CERKL: variants seen among roughly 807,000 people sequenced by gnomAD.
The protein encoded by CERKL is ceramide kinase-like protein.
A neutral mutation model predicts 63.4 loss-of-function variants in CERKL; 61 were observed. That is an observed-to-expected ratio of 0.96 (90% CI 0.78 to 1.19). CERKL has a LOEUF of 1.19. Among genes scored for constraint, CERKL ranks in the 50% most tolerant of loss-of-function variants. The pLI is 0.00. For synonymous variants in CERKL, 250 were observed against 230.5 expected (o/e 1.08, Z -0.77); for missense variants, 675 against 655.5 (o/e 1.03, Z -0.33).
At chr2:181,646,453 C>T (rs1359734615) in intron 1 of CERKL, among the ~76,000 whole-genome samples, 1 of 152,158 alleles carries the variant, frequency 6.6e-6, no homozygotes, top group African/African-American at 2.4e-5. Flanking sequence ...AGTTCCATAA[C>T]CATGATAGGG....
At chr2:181,582,821 G>A (rs1057126883) in intron 2 of CERKL, among the ~76,000 whole-genome samples, 2 of 152,060 alleles carry the variant, frequency 1.3e-5, no homozygotes, top group Non-Finnish European at 2.9e-5. Flanking sequence ...TGAGATTACA[G>A]GCATGAGCCA....
chr2:181,632,381 T>C (rs1009735804), intron 1 of CERKL, among the ~76,000 whole-genome samples: 9 of 152,200 alleles, frequency 5.9e-5, no homozygotes, highest in Non-Finnish European at 1.0e-4. Context: ...CAAAGCCTTG[T>C]CCTTTAAGGG....
intron 1 of CERKL, among the ~76,000 whole-genome samples, chr2:181,641,922 C>T (rs1437726876): frequency 1.3e-5 from 2 of 152,178 alleles, no homozygotes; most frequent in African/African-American, 4.8e-5. Context: ...AAAATTCACT[C>T]TACATTTGTT....
chr2:181,577,045 T>C (rs1015837603), intron 2 of CERKL, among the ~76,000 whole-genome samples: 6 of 152,170 alleles, frequency 3.9e-5, no homozygotes, highest in Non-Finnish European at 8.8e-5. Flanking sequence ...CCCCAGAATT[T>C]TGGGCTTAGT....
intron 4 of CERKL, among the ~76,000 whole-genome samples, chr2:181,562,222 A>C (rs1324040806): frequency 6.6e-6 from 1 of 152,138 alleles, no homozygotes. Flanking sequence ...AAAATCATTG[A>C]ATTCATCTGT....
Position 181,537,391 on chromosome 2 carries a change from T to TTGCCCAGTTCAAAATAGTATTTGTTATCA in CERKL, c.*764_*792dup, listed in dbSNP as rs1290776328. ...ACACAATTACATATTGGGCTAGATT[T>TTGCCCAGTTCAAAATAGTATTTGTTATCA]TGCCCAGTTCAAAATAGTATTTGTT... On this transcript the variant is annotated 3_prime_UTR_variant, in exon 13 of 13. Transcript: ENST00000410087. 2 of 452,452 alleles carry TTGCCCAGTTCAAAATAGTATTTGTTATCA rather than the reference T, an allele frequency of 4.4e-6. No homozygotes were observed. The highest frequency in any genetic ancestry group is 4.4e-6 in the Non-Finnish European group (1 of 225,740). 28.0% of individuals were successfully genotyped at this position (452,452 alleles called of 1,614,324 possible).
chr2:181,641,844 T>C (rs1240768849), intron 1 of CERKL, among the ~76,000 whole-genome samples: 2 of 152,174 alleles, frequency 1.3e-5, no homozygotes, highest in Non-Finnish European at 2.9e-5. Flanking sequence ...GTGGTAACTG[T>C]ATTGAACACT....
At chr2:181,596,842 A>G (rs898738310) in intron 2 of CERKL, among the ~76,000 whole-genome samples, 1 of 152,208 alleles carries the variant, frequency 6.6e-6, no homozygotes, top group African/African-American at 2.4e-5. Context: ...GAACCCACTG[A>G]GACTTATTTT....
intron 1 of CERKL, among the ~76,000 whole-genome samples, chr2:181,608,292 T>C (rs189856858): frequency 1.6e-4 from 24 of 152,162 alleles, no homozygotes; most frequent in Admixed American, 3.9e-4. Flanking sequence ...CCTTATTATA[T>C]AGGTTGCAAA....
chr2:181,631,016 G>C (rs987362448), intron 1 of CERKL, among the ~76,000 whole-genome samples: 1 of 152,156 alleles, frequency 6.6e-6, no homozygotes, highest in African/African-American at 2.4e-5. Flanking sequence ...TAGAATGCCA[G>C]ATTATATTGG....
chr2:181,568,196 G>C (rs1445914344), intron 3 of CERKL, among the ~76,000 whole-genome samples: 2 of 152,116 alleles, frequency 1.3e-5, no homozygotes, highest in African/African-American at 4.8e-5. Context: ...GATTTGATTT[G>C]GACATAAGGA....
intron 1 of CERKL, among the ~76,000 whole-genome samples, chr2:181,612,864 TATAA>T (rs1686026186): frequency 6.6e-6 from 1 of 152,108 alleles, no homozygotes; most frequent in Non-Finnish European, 1.5e-5. Flanking sequence ...TATAAGATAT[TATAA>T]AGAAAAAGCA....
intron 1 of CERKL, among the ~76,000 whole-genome samples, chr2:181,613,207 T>A (rs566515154): frequency 9.2e-5 from 14 of 152,340 alleles, no homozygotes; most frequent in African/African-American, 3.4e-4. Flanking sequence ...ACTCTCTGCT[T>A]CTATAAGTTT....
At chr2:181,634,349 AGTTGG>A (rs1207486013) in intron 1 of CERKL, among the ~76,000 whole-genome samples, 3 of 152,186 alleles carry the variant, frequency 2.0e-5, no homozygotes. Flanking sequence ...TCATGGAATC[AGTTGG>A]TGTCTAAAAT....
At chr2:181,559,635 T>C (rs1688354472) in intron 4 of CERKL, among the ~76,000 whole-genome samples, 1 of 152,142 alleles carries the variant, frequency 6.6e-6, no homozygotes, top group Non-Finnish European at 1.5e-5. Context: ...AGATTCTGAT[T>C]TAAGGCTGAG....
intron 2 of CERKL, among the ~76,000 whole-genome samples, chr2:181,584,698 C>T (rs889904013): frequency 6.6e-6 from 1 of 151,618 alleles, no homozygotes; most frequent in South Asian, 2.1e-4. Context: ...CTCCTGCTTG[C>T]CTGTATCAAT....
chr2:181,650,121 G>C (rs1687854049), intron 1 of CERKL: 1 of 123,264 alleles, frequency 8.1e-6, no homozygotes, highest in Admixed American at 7.7e-5. Flanking sequence ...GAGGAAGGAA[G>C]GAAGGAAGGA....
chr2:181,540,459 G>T (rs1687451382), intron 11 of CERKL, among the ~76,000 whole-genome samples: 2 of 152,132 alleles, frequency 1.3e-5, no homozygotes, highest in Non-Finnish European at 1.5e-5. Context: ...TAGAAATAGG[G>T]TCTTTGCAGG....
chr2:181,567,555 AT>A (rs60669411), intron 3 of CERKL, among the ~76,000 whole-genome samples: 36,981 of 151,822 alleles, frequency 0.24, 4,870 homozygotes, highest in African/African-American at 0.35. Context: ...GAAAATAGCA[AT>A]TTTTTAAGTA....
Sources: gnomAD v4.1 joint callset for allele counts (sites outside exome capture counted in the v4.1 genomes callset) on GRCh38, gnomAD v4.1.1 for gene constraint, MANE v1.5 for transcripts, NCBI Gene and HGNC (gene_info 2026-07-23, HGNC 2026-07-21) for gene names.